The following CACNA1C variants were observed in gnomAD, a reference collection of about 807,000 sequenced individuals.
The protein encoded by CACNA1C is calcium voltage-gated channel subunit alpha1 C.
CACNA1C carries 30 observed loss-of-function variants against 229.0 expected under a neutral mutation model. The ratio of observed to expected loss-of-function variants is 0.13; its 90% confidence interval spans 0.10 to 0.18. The LOEUF (loss-of-function observed/expected upper bound fraction) is 0.18. Among genes scored for constraint, CACNA1C ranks in the 10% least tolerant of loss-of-function variants. The pLI, the probability that CACNA1C is intolerant of heterozygous loss-of-function variation, is 1.00. For missense variants in CACNA1C, 1,658 were observed against 2,845.0 expected, an observed-to-expected ratio of 0.58 and a Z score of 9.49; for synonymous variants, 1,114 against 1,132.5, an observed-to-expected ratio of 0.98 and a Z score of 0.33.
At chr12:2,358,879 C>G (rs1429239430) in intron 3 of CACNA1C, among the ~76,000 whole-genome samples, 2 of 152,102 alleles carry the variant, frequency 1.3e-5, no homozygotes, top group Non-Finnish European at 2.9e-5. Context: ...CAGATTCTTA[C>G]TCCATTTCTG....
chr12:2,681,831 G>T, intron 42 of CACNA1C: 1 of 690,502 alleles, frequency 1.4e-6, no homozygotes. Flanking sequence ...AGGATAAAGT[G>T]GGCCCAGCAT....
chr12:2,556,134 G>T (rs2044127553), intron 10 of CACNA1C, among the ~76,000 whole-genome samples: 1 of 152,012 alleles, frequency 6.6e-6, no homozygotes, highest in Admixed American at 6.6e-5. Context: ...CACTCTCCCT[G>T]TCTCTCTCTC....
chr12:2,051,394 C>T (rs1337160325), upstream of CACNA1C, among the ~76,000 whole-genome samples: 1 of 152,188 alleles, frequency 6.6e-6, no homozygotes, highest in Admixed American at 6.5e-5. Context: ...AGGACCATGG[C>T]TTTTACTAAG....
At chr12:2,568,886 A>T (rs1336920885) in intron 13 of CACNA1C, among the ~76,000 whole-genome samples, 1 of 152,112 alleles carries the variant, frequency 6.6e-6, no homozygotes, top group African/African-American at 2.4e-5. Context: ...AAAGGTTAAG[A>T]TGGTAAATTT....
At chr12:2,270,860 A>G (rs533310143) in intron 3 of CACNA1C, among the ~76,000 whole-genome samples, 1 of 152,156 alleles carries the variant, frequency 6.6e-6, no homozygotes, top group Non-Finnish European at 1.5e-5. Context: ...GCTGGCACAG[A>G]CAGCCATTCC....
At position 2,067,449 on chromosome 12, in the gene CACNA1C, C is replaced by CGTGTGTGTGTGTGTGT. The variant is rs1555107490; in HGVS notation, c.49+13856_49+13871dup. 1.1e-4 allele frequency among the ~76,000 whole-genome samples: 16 copies of CGTGTGTGTGTGTGTGT among 141,486 alleles called. No individual in the cohort carries two copies. Among genetic ancestry groups the CGTGTGTGTGTGTGTGT allele is most frequent in the African/African-American group, 4.0e-4 (15 of 37,776 alleles). The allele number at this position is 141,486 out of a possible 152,430, so 92.8% of individuals were successfully genotyped here. A position where few individuals can be genotyped will look rare whatever the true frequency, so the allele number is the denominator to read the frequency against. The stretch of plus-strand genomic sequence containing the variant: ...GCTTAGGACTGTGGACTAGGATGCA[C>CGTGTGTGTGTGTGTGT]GTGTGTGTGTGTGTGTGTGTGTGTG... On this transcript the variant is annotated intron_variant, in intron 1 of 46. Transcript: ENST00000399655. The surrounding 1 kb of genome is among the most constrained non-coding windows in gnomAD (Gnocchi z 5.3).
At chr12:2,574,376 A>G (rs1347611520) in intron 13 of CACNA1C, among the ~76,000 whole-genome samples, 1 of 152,178 alleles carries the variant, frequency 6.6e-6, no homozygotes, top group Non-Finnish European at 1.5e-5. Context: ...GACAGATTCA[A>G]TCCGGACGTG....
chr12:2,612,161 A>C, intron 29 of CACNA1C, 148 bp downstream of exon 29: 1 of 617,324 alleles, frequency 1.6e-6, no homozygotes, highest in Admixed American at 2.4e-5. Context: ...CAGTGCCCCA[A>C]CTCCTACACC....
intron 1 of CACNA1C, among the ~76,000 whole-genome samples, chr12:2,043,119 T>A (rs1340817354): frequency 6.6e-6 from 1 of 152,208 alleles, no homozygotes; most frequent in Non-Finnish European, 1.5e-5. Context: ...CATCGCAAGA[T>A]CATTATGGTT....
At chr12:2,428,853 G>A (rs1268986847) in intron 3 of CACNA1C, among the ~76,000 whole-genome samples, 1 of 152,206 alleles carries the variant, frequency 6.6e-6, no homozygotes, top group African/African-American at 2.4e-5. Context: ...GCCTTGTCAC[G>A]CTGATTCTGT....
chr12:2,406,276 T>C (rs1174853489), intron 3 of CACNA1C, among the ~76,000 whole-genome samples: 9 of 152,228 alleles, frequency 5.9e-5, no homozygotes, highest in Admixed American at 5.9e-4. Flanking sequence ...TCACTGAGCT[T>C]CTTGAATCTG....
At chr12:2,661,670 A>G (rs1342009324) in intron 34 of CACNA1C, among the ~76,000 whole-genome samples, 1 of 152,216 alleles carries the variant, frequency 6.6e-6, no homozygotes, top group Non-Finnish European at 1.5e-5. Context: ...GCTAATGCCA[A>G]TGAGAAAAAG....
At position 2,342,760 on chromosome 12, in the gene CACNA1C, G is replaced by A. The variant is rs1380111873; in HGVS notation, c.478-106216G>A. Among the ~76,000 whole-genome samples, 5 of 152,306 alleles carry A rather than the reference G, an allele frequency of 3.3e-5. No homozygotes were observed. In the East Asian group the frequency reaches 9.6e-4, roughly 29 times the overall value. On this transcript the variant is annotated intron_variant, in intron 3 of 46. Transcript: ENST00000399655. ...GATGATGTGTTGCTTCTGTTTTATT[G>A]AGGTATACCAGTTCTTTGCCCTTAA...
intron 10 of CACNA1C, among the ~76,000 whole-genome samples, chr12:2,552,491 G>A (rs781635227): frequency 5.3e-5 from 8 of 152,192 alleles, no homozygotes; most frequent in Admixed American, 2.0e-4. Flanking sequence ...ACCCTTAACC[G>A]TTTGGGTCTG....
intron 18 of CACNA1C, among the ~76,000 whole-genome samples, chr12:2,590,683 G>T (rs550550516): frequency 6.6e-5 from 10 of 152,208 alleles, no homozygotes; most frequent in Non-Finnish European, 1.0e-4. Context: ...CTTCATAAAC[G>T]GGGGGGAGCT....
At chr12:2,440,160 T>G (rs1398327510) in intron 3 of CACNA1C, among the ~76,000 whole-genome samples, 2 of 152,206 alleles carry the variant, frequency 1.3e-5, no homozygotes, top group Non-Finnish European at 2.9e-5. Context: ...TCTAACCATT[T>G]TTAAGTGTGA....
chr12:2,513,029 G>A, intron 9 of CACNA1C, 45 bp downstream of exon 9: 1 of 1,511,882 alleles, frequency 6.6e-7, no homozygotes, highest in Non-Finnish European at 9.0e-7. Flanking sequence ...TTCTGGGGGA[G>A]AGGAGACAGC....
At chr12:2,371,908 G>A (rs1002837197) in intron 3 of CACNA1C, among the ~76,000 whole-genome samples, 5 of 152,076 alleles carry the variant, frequency 3.3e-5, no homozygotes, top group African/African-American at 1.2e-4. Flanking sequence ...AGCGGATGCT[G>A]CAATTTTCTT....
At chr12:2,580,800 C>T (rs2060213777) in intron 13 of CACNA1C, among the ~76,000 whole-genome samples, 1 of 152,192 alleles carries the variant, frequency 6.6e-6, no homozygotes, top group African/African-American at 2.4e-5. Context: ...TCAGAGGACT[C>T]GTGCTTTGAG....
Sources: allele counts gnomAD v4.1 joint callset (sites outside exome capture counted in the v4.1 genomes callset), GRCh38; gene constraint gnomAD v4.1.1; non-coding constraint Gnocchi (gnomAD v3.1); transcripts MANE v1.5; gene names NCBI Gene and HGNC (gene_info 2026-07-23, HGNC 2026-07-21).